The following SPRED2 variants were observed in gnomAD, a reference collection of about 807,000 sequenced individuals.
SPRED2 encodes the protein sprouty related EVH1 domain containing 2.
A neutral mutation model predicts 43.0 loss-of-function variants in SPRED2; 47 were observed. The ratio of observed to expected loss-of-function variants is 1.09; its 90% CI spans 0.87 to 1.40. The LOEUF is 1.40. SPRED2 is among the 40% of genes most tolerant of loss of function. SPRED2 has a pLI of 0.00. For synonymous variants in SPRED2, 225 were observed against 225.7 expected (o/e 1.00, Z 0.03); for missense variants, 561 against 586.4 (o/e 0.96, Z 0.45).
At chr2:65,356,536 CTTTTTT>C (rs1274369940) in intron 1 of SPRED2, among the ~76,000 whole-genome samples, 1 of 60,584 alleles carries the variant, frequency 1.7e-5, no homozygotes, top group Non-Finnish European at 3.3e-5. Flanking sequence ...CCAGTTCCCT[CTTTTTT>C]TTTTTTTTTT....
At chr2:65,396,287 G>A (rs939268413) in intron 1 of SPRED2, among the ~76,000 whole-genome samples, 1 of 152,068 alleles carries the variant, frequency 6.6e-6, no homozygotes, top group South Asian at 2.1e-4. Context: ...GTCCTTCAAG[G>A]CTCAACTCAA....
intron 1 of SPRED2, among the ~76,000 whole-genome samples, chr2:65,353,316 G>A (rs1674562454): frequency 6.6e-6 from 1 of 152,194 alleles, no homozygotes; most frequent in African/African-American, 2.4e-5. Context: ...CCTTGGATAA[G>A]CCGAGCATCT....
chr2:65,421,712 A>G (rs1676427757), intron 1 of SPRED2, among the ~76,000 whole-genome samples: 1 of 152,224 alleles, frequency 6.6e-6, no homozygotes, highest in African/African-American at 2.4e-5. Flanking sequence ...CTGGCTCCCT[A>G]TTCCACAGAG....
At chr2:65,360,210 C>A (rs570364320) in intron 1 of SPRED2, among the ~76,000 whole-genome samples, 12 of 152,132 alleles carry the variant, frequency 7.9e-5, no homozygotes, top group African/African-American at 2.9e-4. Context: ...GAAGGGCCCT[C>A]GACTTAATGT....
intron 4 of SPRED2, among the ~76,000 whole-genome samples, chr2:65,324,853 G>A (rs984620153): frequency 3.3e-5 from 5 of 152,166 alleles, no homozygotes; most frequent in African/African-American, 7.2e-5. Context: ...AGATTTCAAC[G>A]TTCACATTTC....
chr2:65,365,842 G>C (rs1354437671), intron 1 of SPRED2, among the ~76,000 whole-genome samples: 1 of 152,128 alleles, frequency 6.6e-6, no homozygotes, highest in Non-Finnish European at 1.5e-5. Flanking sequence ...GTCAGACATT[G>C]TTTAAATTTA....
chr2:65,308,165 G>T (rs1302771428), downstream of SPRED2, among the ~76,000 whole-genome samples: 1 of 152,252 alleles, frequency 6.6e-6, no homozygotes, highest in Non-Finnish European at 1.5e-5. Flanking sequence ...GGGCAGAGGC[G>T]TGACTTGCAG....
intron 1 of SPRED2, among the ~76,000 whole-genome samples, chr2:65,383,948 A>G (rs1675434115): frequency 1.3e-5 from 2 of 152,208 alleles, no homozygotes; most frequent in Non-Finnish European, 1.5e-5. Context: ...GCTGTAGCTG[A>G]GCAGCTGCAG....
At position 65,313,721 on chromosome 2, in the gene SPRED2, G is replaced by C; in HGVS notation, c.1037C>G (p.Ala346Gly). The change falls in exon 6 of 6, where the codon GCG becomes GGG. Residue 346 changes from alanine to glycine, a missense_variant. This residue lies in a region of SPRED2 where 2 missense variants were observed against 18.3 expected (regional missense o/e 0.11). Transcript: ENST00000356388. ...CIRRVSCMWC[A>G]DSMLYHCMSD... ...CATACAGTGATAGAGCATGCTGTCC[G>C]CGCACCACATGCAGCTCACCCGGCG... The C allele has an allele frequency of 6.2e-7, 1 of 1,614,192 alleles. No individual in the cohort carries two copies. The highest frequency in any genetic ancestry group is 1.1e-5 in the South Asian group (1 of 91,080).
chr2:65,369,318 C>T (rs1485768750), intron 1 of SPRED2, among the ~76,000 whole-genome samples: 1 of 152,134 alleles, frequency 6.6e-6, no homozygotes, highest in Non-Finnish European at 1.5e-5. Flanking sequence ...GGGAAAACAT[C>T]ATACTATATC....
chr2:65,365,695 A>G (rs1019546164), intron 1 of SPRED2, among the ~76,000 whole-genome samples: 3 of 152,228 alleles, frequency 2.0e-5, no homozygotes, highest in Admixed American at 6.5e-5. Context: ...TACTGCTATA[A>G]ACTAACTATA....
At chr2:65,323,466 G>C (rs552238730) in intron 4 of SPRED2, among the ~76,000 whole-genome samples, 66 of 152,046 alleles carry the variant, frequency 4.3e-4, no homozygotes, top group African/African-American at 1.5e-3. Context: ...AAGGGAAGGG[G>C]GTGAAAGCAG....
At chr2:65,419,617 G>C (rs946485534) in intron 1 of SPRED2, among the ~76,000 whole-genome samples, 9 of 137,228 alleles carry the variant, frequency 6.6e-5, no homozygotes, top group African/African-American at 2.2e-4. Context: ...GTGTGTGTGT[G>C]TTTATTAACT....
At position 65,377,632 on chromosome 2, in the gene SPRED2, C is replaced by A. The variant is rs188031844; in HGVS notation, c.27-32736G>T. ...ACTCACCCCCTCCTTTCCTGGTCAT[C>A]GTCTGACCTGAACCCAGATGCCCAG... On this transcript the variant is annotated intron_variant, in intron 1 of 5. Transcript: ENST00000356388. The A allele has an allele frequency of 1.3e-5, 6 of 471,140 alleles. No homozygotes were observed. In the East Asian group the frequency reaches 3.5e-4, roughly 27 times the overall value. 29.2% of individuals were successfully genotyped at this position (471,140 alleles called of 1,614,324 possible). A position where few individuals can be genotyped will look rare whatever the true frequency, so the allele number is the denominator to read the frequency against.
chr2:65,343,574 T>C (rs1674252551), intron 2 of SPRED2, among the ~76,000 whole-genome samples: 1 of 152,222 alleles, frequency 6.6e-6, no homozygotes, highest in South Asian at 2.1e-4. Context: ...CTCTGTGGGA[T>C]CCTGCACAAT....
intron 1 of SPRED2, among the ~76,000 whole-genome samples, chr2:65,353,715 T>G (rs1349505559): frequency 6.6e-6 from 1 of 152,194 alleles, no homozygotes; most frequent in East Asian, 1.9e-4. Context: ...AACCTCAGTT[T>G]AAAGGAAAAT....
intron 1 of SPRED2, among the ~76,000 whole-genome samples, chr2:65,359,001 G>A (rs767495297): frequency 6.6e-6 from 1 of 152,162 alleles, no homozygotes; most frequent in Non-Finnish European, 1.5e-5. Context: ...CTCAGAATGT[G>A]GCACCACTGA....
intron 1 of SPRED2, among the ~76,000 whole-genome samples, chr2:65,350,128 GA>G (rs1674468137): frequency 6.6e-6 from 1 of 152,120 alleles, no homozygotes; most frequent in Non-Finnish European, 1.5e-5. Context: ...TATAAAGGAG[GA>G]AAACTCTCTT....
intron 1 of SPRED2, chr2:65,366,545 G>A (rs972407782): frequency 2.0e-6 from 3 of 1,536,580 alleles, no homozygotes; most frequent in Non-Finnish European, 2.6e-6. Flanking sequence ...TTAAGAATAA[G>A]AGAACAATGA....
Sources: allele counts gnomAD v4.1 joint callset (sites outside exome capture counted in the v4.1 genomes callset), GRCh38; gene constraint gnomAD v4.1.1; regional missense constraint gnomAD v4.1.1; transcripts MANE v1.5; gene names NCBI Gene and HGNC (gene_info 2026-07-23, HGNC 2026-07-21).